Variants in LAMA2 observed in about 807,000 individuals in gnomAD.
LAMA2 encodes the protein laminin subunit alpha 2, also known as laminin subunit alpha-2.
LAMA2 carries 269 observed loss-of-function variants against 364.8 expected under a neutral mutation model. The observed-to-expected ratio is 0.74, with a 90% CI of 0.67 to 0.82. The LOEUF is 0.82. Among genes scored for constraint, LAMA2 ranks in the 40% least tolerant of loss-of-function variants. The pLI, the probability that LAMA2 is intolerant of heterozygous loss-of-function variation, is 0.00. For missense variants in LAMA2, 3,807 were observed against 3,873.2 expected (o/e 0.98, Z 0.45); for synonymous variants, 1,379 against 1,370.6 (o/e 1.01, Z -0.14).
intron 32 of LAMA2, among the ~76,000 whole-genome samples, chr6:129,362,956 T>A (rs976696719): frequency 6.6e-6 from 1 of 152,196 alleles, no homozygotes; most frequent in Non-Finnish European, 1.5e-5. Flanking sequence ...AGATTGAGCA[T>A]CCCTATAATT....
chr6:129,376,760 A>G (rs1238215874), intron 34 of LAMA2, among the ~76,000 whole-genome samples: 1 of 152,208 alleles, frequency 6.6e-6, no homozygotes, highest in African/African-American at 2.4e-5. Context: ...CCTCTGTGCC[A>G]TCGCAGGGGT....
intron 4 of LAMA2, among the ~76,000 whole-genome samples, chr6:129,117,808 A>G (rs1776565083): frequency 1.3e-5 from 2 of 152,160 alleles, no homozygotes; most frequent in South Asian, 4.1e-4. Context: ...CCATTTTGCA[A>G]ATAAGAAAAC....
chr6:128,911,504 G>A (rs1038932153), intron 1 of LAMA2, among the ~76,000 whole-genome samples: 1 of 152,022 alleles, frequency 6.6e-6, no homozygotes, highest in Non-Finnish European at 1.5e-5. Flanking sequence ...GCTCACGCAC[G>A]GTGCGCGCAC....
At chr6:129,509,270 G>A (rs1442266354) in intron 62 of LAMA2, among the ~76,000 whole-genome samples, 1 of 152,076 alleles carries the variant, frequency 6.6e-6, no homozygotes, top group Non-Finnish European at 1.5e-5. Flanking sequence ...TCTCAGATGG[G>A]TAGTTTGCAA....
At chr6:129,142,194 G>GT (rs1297445567) in intron 4 of LAMA2, among the ~76,000 whole-genome samples, 1 of 151,968 alleles carries the variant, frequency 6.6e-6, no homozygotes, top group Non-Finnish European at 1.5e-5. Context: ...GAATAATATT[G>GT]TCTTTGTCAG....
chr6:129,497,976 A>G (rs1376004921), intron 58 of LAMA2, among the ~76,000 whole-genome samples: 1 of 152,038 alleles, frequency 6.6e-6, no homozygotes, highest in Admixed American at 6.6e-5. Flanking sequence ...TTCATGGAGG[A>G]TGGCAGGAGG....
chr6:129,164,204 AC>A (rs1779605155), intron 8 of LAMA2, among the ~76,000 whole-genome samples: 1 of 152,180 alleles, frequency 6.6e-6, no homozygotes, highest in African/African-American at 2.4e-5. Context: ...GGACTAAGTG[AC>A]TAACAGGAGG....
chr6:129,497,191 A>ATAAG (rs750880078), intron 58 of LAMA2, among the ~76,000 whole-genome samples: 7 of 152,292 alleles, frequency 4.6e-5, no homozygotes, highest in Admixed American at 1.3e-4. Context: ...TGGTTATTAA[A>ATAAG]TAAGTCCTCT....
chr6:129,305,218 T>G (rs1371603875), intron 22 of LAMA2, among the ~76,000 whole-genome samples: 1 of 152,236 alleles, frequency 6.6e-6, no homozygotes, highest in Non-Finnish European at 1.5e-5. Context: ...GTACTTTTTC[T>G]GATATTTATA....
chr6:129,427,737 T>C lies in LAMA2; in HGVS notation c.5866-15T>C, dbSNP rs774886204. The C allele has an allele frequency of 3.2e-6, 5 of 1,585,070 alleles. No individual in the cohort carries two copies. The highest frequency in any genetic ancestry group is 4.3e-6 in the Non-Finnish European group (5 of 1,154,222). On this transcript the variant is annotated splice_polypyrimidine_tract_variant and intron_variant, in intron 40 of 64. Coordinates refer to ENST00000421865, the MANE Select transcript of LAMA2 (RefSeq NM_000426.4). ...TATGGTTTTAGATGTATGACATTTG[T>C]TTTTCTGTCCACAGGCAACAGGTCC... is the stretch of plus-strand genomic sequence containing the variant.
intron 3 of LAMA2, among the ~76,000 whole-genome samples, chr6:129,076,500 A>AAT (rs888351058): frequency 7.1e-6 from 1 of 140,278 alleles, no homozygotes; most frequent in African/African-American, 2.6e-5. Context: ...ATTATATATA[A>AAT]ATATATATAT....
intron 48 of LAMA2, among the ~76,000 whole-genome samples, chr6:129,457,057 T>C (rs1783004101): frequency 6.6e-6 from 1 of 152,134 alleles, no homozygotes; most frequent in South Asian, 2.1e-4. Flanking sequence ...CTTGTGTTGA[T>C]TAAATGGAAT....
chr6:128,961,317 T>TGATA (rs1781476343), intron 1 of LAMA2, among the ~76,000 whole-genome samples: 1 of 43,388 alleles, frequency 2.3e-5, no homozygotes, highest in Non-Finnish European at 5.2e-5. Context: ...AGAACTAATA[T>TGATA]GATATATATA....
At chr6:128,929,353 A>T in intron 1 of LAMA2, 2 of 1,079,326 alleles carry the variant, frequency 1.9e-6, no homozygotes, top group South Asian at 2.5e-5. Flanking sequence ...CTGGGGTGAG[A>T]CCTCGAGAGA....
At chr6:129,257,500 C>A (rs761607679) in intron 14 of LAMA2, among the ~76,000 whole-genome samples, 6 of 152,016 alleles carry the variant, frequency 3.9e-5, no homozygotes, top group Admixed American at 6.6e-5. Flanking sequence ...TTAAAGTAGT[C>A]AACTGCTCAT....
chr6:129,485,009 TG>T (rs1215004968), intron 55 of LAMA2, among the ~76,000 whole-genome samples: 57 of 152,342 alleles, frequency 3.7e-4, no homozygotes, highest in African/African-American at 1.2e-3. Flanking sequence ...GGGAGAAAAG[TG>T]TTATTTTATT....
intron 4 of LAMA2, among the ~76,000 whole-genome samples, chr6:129,134,767 A>G (rs1777684273): frequency 6.6e-6 from 1 of 152,202 alleles, no homozygotes; most frequent in Admixed American, 6.5e-5. Context: ...CTGGTTCCTA[A>G]CAGGCCACAG....
chr6:128,915,835 G>A (rs753020195), intron 1 of LAMA2, among the ~76,000 whole-genome samples: 3 of 152,102 alleles, frequency 2.0e-5, no homozygotes, highest in Non-Finnish European at 4.4e-5. Flanking sequence ...TTGTATATTT[G>A]TAGTGAAAAC....
intron 37 of LAMA2, among the ~76,000 whole-genome samples, chr6:129,398,255 A>G (rs1469552262): frequency 1.3e-5 from 2 of 152,160 alleles, no homozygotes; most frequent in South Asian, 2.1e-4. Flanking sequence ...GCAGTTGTGT[A>G]AAAGAATGTT....
Sources: allele counts gnomAD v4.1 joint callset (sites outside exome capture counted in the v4.1 genomes callset), GRCh38; gene constraint gnomAD v4.1.1; transcripts MANE v1.5; gene names NCBI Gene and HGNC (gene_info 2026-07-23, HGNC 2026-07-21).